Variants in SLC44A5 observed in about 807,000 individuals in gnomAD.
The protein encoded by SLC44A5 is solute carrier family 44 member 5.
A neutral mutation model predicts 101.8 loss-of-function variants in SLC44A5; 57 were observed. The ratio of observed to expected loss-of-function variants is 0.56; its 90% CI spans 0.45 to 0.70. The LOEUF is 0.70. Ranked by LOEUF, SLC44A5 falls within the 30% of genes least tolerant of loss-of-function variation. The probability of loss-of-function intolerance (pLI) is 0.00; values close to 1 mark genes in which losing one functional copy is unlikely to be tolerated. For missense variants in SLC44A5, 737 were observed against 853.1 expected (o/e 0.86, Z 1.70); for synonymous variants, 281 against 290.9 (o/e 0.97, Z 0.35).
intron 4 of SLC44A5, among the ~76,000 whole-genome samples, chr1:75,312,233 T>C (rs1655361101): frequency 6.6e-6 from 1 of 152,160 alleles, no homozygotes; most frequent in South Asian, 2.1e-4. Context: ...TCCCCAGCTA[T>C]GTGGAACGGA....
intron 2 of SLC44A5, among the ~76,000 whole-genome samples, chr1:75,480,401 A>G (rs1414557559): frequency 6.6e-6 from 1 of 152,218 alleles, no homozygotes; most frequent in Admixed American, 6.5e-5. Context: ...AGTTCTGGCC[A>G]GGGCAATTAG....
the SLC44A5 span, among the ~76,000 whole-genome samples, chr1:75,647,822 C>A: frequency 3.3e-5 from 5 of 152,148 alleles, no homozygotes; most frequent in Non-Finnish European, 5.9e-5. Flanking sequence ...CCCATTGTAC[C>A]TTGGAAGTAA....
chr1:75,723,063 CCT>C, the SLC44A5 span, among the ~76,000 whole-genome samples: 1,670 of 152,286 alleles, frequency 0.011, 14 homozygotes, highest in Non-Finnish European at 0.016. Flanking sequence ...CCTTTGTTCT[CCT>C]CTGTCTTTGC....
At chr1:75,450,162 A>C (rs1665823797) in intron 2 of SLC44A5, among the ~76,000 whole-genome samples, 1 of 152,130 alleles carries the variant, frequency 6.6e-6, no homozygotes, top group Non-Finnish European at 1.5e-5. Context: ...TTGCTGATAA[A>C]AGCGAGTGAA....
chr1:75,646,954 A>G, the SLC44A5 span, among the ~76,000 whole-genome samples: 1 of 152,234 alleles, frequency 6.6e-6, no homozygotes, highest in African/African-American at 2.4e-5. Context: ...TTTTCTGATG[A>G]GAAATTCAAG....
intron 3 of SLC44A5, among the ~76,000 whole-genome samples, chr1:75,372,784 G>A (rs1056450370): frequency 5.3e-5 from 8 of 152,146 alleles, no homozygotes; most frequent in African/African-American, 1.9e-4. Flanking sequence ...TTGTATTAGG[G>A]AGAAATAATG....
At chr1:75,618,885 C>CA in the SLC44A5 span, among the ~76,000 whole-genome samples, 3 of 152,008 alleles carry the variant, frequency 2.0e-5, no homozygotes, top group Admixed American at 6.6e-5. Context: ...GCCTGGCCAA[C>CA]ATGGTGAAAC....
At chr1:75,352,465 A>G (rs1015328653) in intron 3 of SLC44A5, among the ~76,000 whole-genome samples, 1 of 151,976 alleles carries the variant, frequency 6.6e-6, no homozygotes, top group African/African-American at 2.4e-5. Context: ...AAAACTTTAT[A>G]AAAACATGAG....
chr1:75,325,488 G>A (rs140301701), intron 4 of SLC44A5, among the ~76,000 whole-genome samples: 5 of 151,908 alleles, frequency 3.3e-5, no homozygotes, highest in East Asian at 3.9e-4. Flanking sequence ...CCACAGTTTC[G>A]CTTTCCAAGG....
chr1:75,573,399 T>C (rs1050961937), intron 1 of SLC44A5, among the ~76,000 whole-genome samples: 4 of 151,970 alleles, frequency 2.6e-5, no homozygotes, highest in Admixed American at 6.6e-5. Context: ...ACAAAAACAG[T>C]TAAACGTTGG....
chr1:75,662,228 G>T, the SLC44A5 span, among the ~76,000 whole-genome samples: 1 of 152,060 alleles, frequency 6.6e-6, no homozygotes, highest in Non-Finnish European at 1.5e-5. Context: ...GGGACATTAT[G>T]TTAAGTGAAA....
At chr1:75,360,357 C>T (rs756402927) in intron 3 of SLC44A5, among the ~76,000 whole-genome samples, 10 of 152,098 alleles carry the variant, frequency 6.6e-5, no homozygotes, top group Admixed American at 2.6e-4. Flanking sequence ...ATTTCATAGA[C>T]GGGGGTCTCA....
At chr1:75,679,938 A>C in the SLC44A5 span, among the ~76,000 whole-genome samples, 1 of 152,152 alleles carries the variant, frequency 6.6e-6, no homozygotes, top group Non-Finnish European at 1.5e-5. Flanking sequence ...CAAATGGAAA[A>C]CAAAAGAAGG....
At chr1:75,614,207 T>C (rs1322242571), upstream of SLC44A5, among the ~76,000 whole-genome samples, 1 of 152,216 alleles carries the variant, frequency 6.6e-6, no homozygotes, top group East Asian at 1.9e-4. Flanking sequence ...TTATTTGATA[T>C]TATGATAAAG....
chr1:75,595,235 G>A (rs1228823662), intron 1 of SLC44A5, among the ~76,000 whole-genome samples: 1 of 151,986 alleles, frequency 6.6e-6, no homozygotes, highest in African/African-American at 2.4e-5. Flanking sequence ...ACTAACTCCA[G>A]GTTGACAGTG....
chr1:75,329,550 AGTG>A lies in SLC44A5; in HGVS notation c.101+10029_101+10031del, dbSNP rs1656865513. On this transcript the variant is annotated intron_variant, in intron 4 of 23. Coordinates refer to ENST00000370859, the MANE Select transcript of SLC44A5 (RefSeq NM_001130058.2). ...ATTCATTTTTAAATGTATTAACATTAGTGGTTGAAATTTTAAGTTTATTGGGAG... is the reference window on the plus strand; with the variant it reads ...ATTCATTTTTAAATGTATTAACATTAGTTGAAATTTTAAGTTTATTGGGAG... Among the ~76,000 whole-genome samples, 4 of 152,190 alleles carry A rather than the reference AGTG, an allele frequency of 2.6e-5. No homozygotes were observed. In the South Asian group the frequency reaches 8.3e-4, roughly 32 times the overall value.
At chr1:75,237,168 A>G in intron 10 of SLC44A5, 98 bp from the exon 11 acceptor site, 2 of 668,308 alleles carry the variant, frequency 3.0e-6, no homozygotes, top group South Asian at 2.2e-5. Flanking sequence ...GTGCTGTTGA[A>G]AGCATGTTTT....
At chr1:75,615,436 T>TACACACACACACACACACACAC (rs56337760), upstream of SLC44A5, among the ~76,000 whole-genome samples, 17 of 133,590 alleles carry the variant, frequency 1.3e-4, no homozygotes, top group African/African-American at 4.7e-4. Context: ...CACACATACA[T>TACACACACACACACACACACAC]ACACACACAC....
chr1:75,561,072 T>G (rs1397489805), intron 1 of SLC44A5, among the ~76,000 whole-genome samples: 1 of 152,184 alleles, frequency 6.6e-6, no homozygotes. Context: ...GCTATTTAGT[T>G]GTGGCTTCTT....
Sources: gnomAD v4.1 joint callset for allele counts (sites outside exome capture counted in the v4.1 genomes callset) on GRCh38, gnomAD v4.1.1 for gene constraint, MANE v1.5 for transcripts, NCBI Gene and HGNC (gene_info 2026-07-23, HGNC 2026-07-21) for gene names.